The following EIF4G3 variants were observed in gnomAD, a reference collection of about 807,000 sequenced individuals.
EIF4G3 encodes eukaryotic translation initiation factor 4 gamma 3, also known as eIF-4-gamma 3.
A neutral mutation model predicts 186.4 loss-of-function variants in EIF4G3; 34 were observed. The ratio of observed to expected loss-of-function variants is 0.18; its 90% CI spans 0.14 to 0.24. The LOEUF (loss-of-function observed/expected upper bound fraction) is 0.24. EIF4G3 is among the 10% of genes least tolerant of loss of function. EIF4G3 has a pLI of 1.00. For synonymous variants in EIF4G3, 673 were observed against 679.5 expected (o/e 0.99, Z 0.15); for missense variants, 1,536 against 1,948.5 (o/e 0.79, Z 3.99).
intron 12 of EIF4G3, among the ~76,000 whole-genome samples, chr1:20,961,484 T>C (rs1217589914): frequency 1.3e-5 from 2 of 152,196 alleles, no homozygotes; most frequent in Non-Finnish European, 2.9e-5. Flanking sequence ...AGATAAATAT[T>C]TGTCTTTTCT....
intron 30 of EIF4G3, among the ~76,000 whole-genome samples, chr1:20,833,537 A>G (rs1483837580): frequency 6.6e-6 from 1 of 152,198 alleles, no homozygotes; most frequent in Non-Finnish European, 1.5e-5. Context: ...TAGATATACA[A>G]TCATGTCGTC....
At chr1:20,942,425 A>G (rs150611015) in intron 13 of EIF4G3, 95 bp from the exon 14 acceptor site, 333 of 1,268,526 alleles carry the variant, frequency 2.6e-4, no homozygotes, top group Non-Finnish European at 3.5e-4. Flanking sequence ...CCTAAATTAC[A>G]GGTAACAGAA....
rs182503658 is a variant in EIF4G3 at position 20,928,197 on chromosome 1, C to T, written c.1663+13294G>A. 3.9e-5 allele frequency among the ~76,000 whole-genome samples: 6 copies of T among 152,130 alleles called. No individual in the cohort carries two copies. The East Asian group carries it at 1.2e-3, about 29-fold the overall frequency. ...AAAAACAATACAGTTTTTATGTATACACTATATAAGTAATTGTTGTATAAA... is the reference window on the plus strand; with the variant it reads ...AAAAACAATACAGTTTTTATGTATATACTATATAAGTAATTGTTGTATAAA... On this transcript the variant is annotated intron_variant, in intron 14 of 36. Coordinates refer to ENST00000602326, the MANE Select transcript of EIF4G3 (RefSeq NM_001391906.1).
intron 33 of EIF4G3, among the ~76,000 whole-genome samples, chr1:20,818,839 CCA>C (rs2154545642): frequency 6.6e-6 from 1 of 152,274 alleles, no homozygotes; most frequent in Non-Finnish European, 1.5e-5. Context: ...TATCCCCAAT[CCA>C]CAAAGTGAAA....
intron 19 of EIF4G3, among the ~76,000 whole-genome samples, chr1:20,880,564 G>A (rs1054299090): frequency 1.3e-5 from 2 of 151,998 alleles, no homozygotes; most frequent in African/African-American, 2.4e-5. Context: ...CAGCCTGGCC[G>A]ACATGGCAAA....
At chr1:20,886,119 T>C in intron 19 of EIF4G3, 82 bp downstream of exon 19, 1 of 1,451,712 alleles carries the variant, frequency 6.9e-7, no homozygotes, top group Non-Finnish European at 9.3e-7. Flanking sequence ...TGATTATCTC[T>C]AGAAACATTA....
At chr1:21,025,233 A>T (rs1248983491) in intron 4 of EIF4G3, among the ~76,000 whole-genome samples, 1 of 152,202 alleles carries the variant, frequency 6.6e-6, no homozygotes, top group Non-Finnish European at 1.5e-5. Flanking sequence ...GGGCCAGACT[A>T]AAAAGACGGG....
intron 2 of EIF4G3, among the ~76,000 whole-genome samples, chr1:21,167,514 G>A (rs933376683): frequency 9.2e-5 from 14 of 152,086 alleles, no homozygotes; most frequent in South Asian, 2.1e-4. Context: ...AGTGGCTCAC[G>A]TCTGTAATCC....
chr1:21,152,116 C>A (rs2097560871), intron 2 of EIF4G3, among the ~76,000 whole-genome samples: 1 of 152,064 alleles, frequency 6.6e-6, no homozygotes, highest in Non-Finnish European at 1.5e-5. Context: ...CTATAACTGA[C>A]AGGGAACCAA....
At chr1:21,043,870 C>CAAAAAAAAAAAAAAAAAAA (rs1427967397) in intron 4 of EIF4G3, among the ~76,000 whole-genome samples, 1 of 141,048 alleles carries the variant, frequency 7.1e-6, no homozygotes, top group African/African-American at 2.7e-5. Flanking sequence ...AACCTTGGCG[C>CAAAAAAAAAAAAAAAAAAA]AAAAAAAAAA....
chr1:21,076,601 C>T (rs1460299702), intron 3 of EIF4G3, among the ~76,000 whole-genome samples: 1 of 152,070 alleles, frequency 6.6e-6, no homozygotes, highest in African/African-American at 2.4e-5. Flanking sequence ...AAAACATAGA[C>T]CAATGGAAGA....
intron 12 of EIF4G3, among the ~76,000 whole-genome samples, chr1:20,959,923 G>C (rs1323434921): frequency 6.6e-6 from 1 of 152,066 alleles, no homozygotes; most frequent in Non-Finnish European, 1.5e-5. Flanking sequence ...ATGCTTATAT[G>C]CTGCTGGTGG....
At chr1:20,977,104 G>A (rs959238134) in intron 10 of EIF4G3, among the ~76,000 whole-genome samples, 12 of 150,286 alleles carry the variant, frequency 8.0e-5, no homozygotes, top group South Asian at 2.1e-4. Flanking sequence ...AAAAAAATAC[G>A]TATCAAACTG....
chr1:21,041,879 A>G (rs549428925), intron 4 of EIF4G3, among the ~76,000 whole-genome samples: 1 of 152,324 alleles, frequency 6.6e-6, no homozygotes, highest in East Asian at 1.9e-4. Flanking sequence ...TTCGTGTTAC[A>G]TTATAAGCAT....
At chr1:21,049,745 G>C (rs1024855314) in intron 4 of EIF4G3, among the ~76,000 whole-genome samples, 11 of 152,154 alleles carry the variant, frequency 7.2e-5, no homozygotes, top group African/African-American at 2.4e-4. Flanking sequence ...AAAAAAATTA[G>C]CCGGGCATGG....
chr1:20,962,921 T>G (rs2073737801), intron 12 of EIF4G3, among the ~76,000 whole-genome samples: 3 of 149,334 alleles, frequency 2.0e-5, no homozygotes, highest in South Asian at 4.2e-4. Context: ...TTTTTTTTGT[T>G]TTTTTTTTTT....
intron 12 of EIF4G3, among the ~76,000 whole-genome samples, chr1:20,961,799 AC>A (rs1437074446): frequency 1.3e-5 from 2 of 152,230 alleles, no homozygotes; most frequent in African/African-American, 2.4e-5. Context: ...ATTGAAAAGA[AC>A]CATTTAAGTC....
At chr1:20,886,444 C>A in intron 18 of EIF4G3, 73 bp from the exon 19 acceptor site, 1 of 1,441,514 alleles carries the variant, frequency 6.9e-7, no homozygotes. Flanking sequence ...CAAGTCAAGT[C>A]TGATGACTAC....
intron 4 of EIF4G3, among the ~76,000 whole-genome samples, chr1:21,013,505 G>C (rs1466770910): frequency 1.3e-5 from 2 of 152,160 alleles, no homozygotes; most frequent in Admixed American, 1.3e-4. Flanking sequence ...TTGTCTGGGG[G>C]TGCTGCTCAT....
Sources: gnomAD v4.1 joint callset for allele counts (sites outside exome capture counted in the v4.1 genomes callset) on GRCh38, gnomAD v4.1.1 for gene constraint, MANE v1.5 for transcripts, NCBI Gene and HGNC (gene_info 2026-07-23, HGNC 2026-07-21) for gene names.